The following C3AR1 variants were observed in gnomAD, a reference collection of about 807,000 sequenced individuals.
C3AR1 encodes the protein C3a anaphylatoxin chemotactic receptor.
For missense variants in C3AR1, 579 were observed against 583.5 expected (o/e 0.99, Z 0.08); for synonymous variants, 208 against 225.3 (o/e 0.92, Z 0.69).
chr12:8,059,589 G>A lies in C3AR1; in HGVS notation c.597C>T (p.Asn199=). 1 of 1,614,164 alleles carries A rather than the reference G, an allele frequency of 6.2e-7. No individual in the cohort carries two copies. The highest frequency in any genetic ancestry group is 1.3e-5 in the African/African-American group (1 of 75,048). ...TCATTTCTCCAGGCGGCTGAACAAT[G>A]TTTTCAAGAGACCTGTTTTCTAGTG... ...GDPLENRSLE[N]IVQPPGEMND... Residue 199 remains asparagine (N), a synonymous_variant, in exon 2 of 2, where the codon AAC becomes AAT. Transcript: ENST00000307637.
intron 1 of C3AR1, among the ~76,000 whole-genome samples, chr12:8,065,496 C>CA (rs1343442814): frequency 2.0e-5 from 3 of 151,384 alleles, no homozygotes; most frequent in African/African-American, 4.9e-5. Context: ...ACTAAAAATA[C>CA]AAAAAAATTT....
chr12:8,060,016 T>C lies in C3AR1; in HGVS notation c.170A>G (p.Asn57Ser), dbSNP rs1947257080. ...VAGLKMQRTV[N>S]TIWFLHLTLA... ...GGTGAGGTGGAGGAACCAAATTGTG[T>C]TCACTGTCCGCTGCATCTTCAGGCC... is the stretch of plus-strand genomic sequence containing the variant. The change falls in exon 2 of 2, where the codon AAC becomes AGC. Residue 57 changes from asparagine to serine, a missense_variant. Asn to Ser is a conservative substitution (Grantham distance 46). Coordinates refer to ENST00000307637, the MANE Select transcript of C3AR1 (RefSeq NM_004054.4). The C allele has an allele frequency of 6.2e-7, 1 of 1,613,840 alleles. No individual in the cohort carries two copies. The highest frequency in any genetic ancestry group is 1.3e-5 in the African/African-American group (1 of 74,826).
At position 8,059,584 on chromosome 12, in the gene C3AR1, A is replaced by T. The variant is rs759430234; in HGVS notation, c.602T>A (p.Val201Asp). Residue 201 changes from valine (V) to aspartate (D), a missense_variant, in exon 2 of 2, where the codon GTT becomes GAT. Coordinates refer to ENST00000307637, the MANE Select transcript of C3AR1 (RefSeq NM_004054.4). ...ATCATTCATTTCTCCAGGCGGCTGA[A>T]CAATGTTTTCAAGAGACCTGTTTTC... ...PLENRSLENI[V>D]QPPGEMNDRL... 9.9e-6 allele frequency: 16 copies of T among 1,614,222 alleles called. No homozygotes were observed. The East Asian group carries it at 3.3e-4, about 34-fold the overall frequency.
rs977078934 is a variant in C3AR1, at chr12:8,057,941, G to C, written c.*796C>G. Among the ~76,000 whole-genome samples, 4 of 152,184 alleles carry C rather than the reference G, an allele frequency of 2.6e-5. No individual in the cohort carries two copies. Among genetic ancestry groups the C allele is most frequent in the African/African-American group, 9.7e-5 (4 of 41,448 alleles). Reference sequence around the variant, plus strand: ...AGTAATAAGGAAATTAAGGAGCTTAGGAAGAGGAGTGGAAAATAGGTGCCC... The same window carrying C: ...AGTAATAAGGAAATTAAGGAGCTTACGAAGAGGAGTGGAAAATAGGTGCCC... On this transcript the variant is annotated 3_prime_UTR_variant, in exon 2 of 2. Transcript: ENST00000307637.
chr12:8,063,273 T>G (rs1008616712), intron 1 of C3AR1, among the ~76,000 whole-genome samples: 10 of 152,146 alleles, frequency 6.6e-5, no homozygotes, highest in Non-Finnish European at 1.2e-4. Flanking sequence ...AACTTCTTAA[T>G]TCTTTGTAAT....
intron 1 of C3AR1, among the ~76,000 whole-genome samples, chr12:8,063,007 G>T (rs1286940136): frequency 7.7e-6 from 1 of 129,662 alleles, no homozygotes; most frequent in Non-Finnish European, 1.6e-5. Context: ...TCCCAGGCTG[G>T]AGTGCAATGG....
chr12:8,059,057 G>A lies in C3AR1; in HGVS notation c.1129C>T (p.Arg377Ter), dbSNP rs1947232549. The A allele has an allele frequency of 9.9e-6, 16 of 1,614,044 alleles. No individual in the cohort carries two copies. The highest frequency in any genetic ancestry group is 6.7e-5 in the East Asian group (3 of 44,904). Residue 377 changes from arginine to a stop codon, truncating the protein, a stop_gained, in exon 2 of 2, where the codon CGA becomes TGA. Coordinates refer to ENST00000307637, the MANE Select transcript of C3AR1 (RefSeq NM_004054.4). LOFTEE classifies it low-confidence loss of function (END_TRUNC). Reference protein sequence around the residue: ...RFAKSQSKTFRVAVVVVAVFL... With the variant: ...RFAKSQSKTF ...ACAGCCACCACCACCACGGCCACTC[G>A]AAAGGTTTTGCTCTGAGACTTGGCG...
At position 8,057,461 on chromosome 12, in the gene C3AR1, G is replaced by A. The variant is rs1482673647; in HGVS notation, c.*1276C>T. Among the ~76,000 whole-genome samples, 1 of 152,156 alleles carries A rather than the reference G, an allele frequency of 6.6e-6. No individual in the cohort carries two copies. Among genetic ancestry groups the A allele is most frequent in the African/African-American group, 2.4e-5 (1 of 41,446 alleles). ...CCAGAAAAGAGCAGCATAAGCACATGATTTAGAAACATCATGATAATTATC... is the reference window on the plus strand; with the variant it reads ...CCAGAAAAGAGCAGCATAAGCACATAATTTAGAAACATCATGATAATTATC... On this transcript the variant is annotated 3_prime_UTR_variant, in exon 2 of 2. Coordinates refer to ENST00000307637, the MANE Select transcript of C3AR1 (RefSeq NM_004054.4).
chr12:8,061,906 G>A (rs1434902344), intron 1 of C3AR1, among the ~76,000 whole-genome samples: 1 of 152,140 alleles, frequency 6.6e-6, no homozygotes, highest in African/African-American at 2.4e-5. Flanking sequence ...AACTGAAAAT[G>A]TGCTCAGGAA....
chr12:8,060,550 A>C (rs751465365), intron 1 of C3AR1, among the ~76,000 whole-genome samples: 1 of 152,136 alleles, frequency 6.6e-6, no homozygotes, highest in East Asian at 1.9e-4. Context: ...GTGCACCACC[A>C]CGCCTGGCTA....
Position 8,058,551 on chromosome 12 carries a change from A to C in C3AR1, c.*186T>G. On this transcript the variant is annotated 3_prime_UTR_variant, in exon 2 of 2. Coordinates refer to ENST00000307637, the MANE Select transcript of C3AR1 (RefSeq NM_004054.4). ...TTCAGCAAGTCTGGGATGCGGCTTG[A>C]GAATTTGCATTTCTAACAAGTTTCT... 1 of 654,396 alleles carries C rather than the reference A, an allele frequency of 1.5e-6. No homozygotes were observed. The highest frequency in any genetic ancestry group is 2.5e-6 in the Non-Finnish European group (1 of 398,442). 40.5% of individuals were successfully genotyped at this position (654,396 alleles called of 1,614,324 possible).
chr12:8,058,883 A>G lies in C3AR1; in HGVS notation c.1303T>C (p.Tyr435His). ...CTAAAATCTTTCCCCAAGAGGGCAT[A>G]AAGGAAGGGATTAAAGCAACTATTG... ...SANSCFNPFL[Y>H]ALLGKDFRKK... is the part of the protein sequence containing the mutation. Residue 435 changes from tyrosine to histidine, a missense_variant, in exon 2 of 2, where the codon TAT (tyrosine) becomes CAT (histidine). By Grantham distance (83) the Tyr-to-His change is moderately conservative. Transcript: ENST00000307637. 6.2e-7 allele frequency: 1 copy of G among 1,614,200 alleles called. No homozygotes were observed. The highest frequency in any genetic ancestry group is 8.5e-7 in the Non-Finnish European group (1 of 1,180,032).
At chr12:8,060,377 C>T (rs1014705803) in intron 1 of C3AR1, among the ~76,000 whole-genome samples, 182 bp from the exon 2 acceptor site, 1 of 152,078 alleles carries the variant, frequency 6.6e-6, no homozygotes, top group Admixed American at 6.6e-5. Context: ...CTCTGATAGA[C>T]AATTATATTT....
At chr12:8,060,983 T>C (rs1947268099) in intron 1 of C3AR1, among the ~76,000 whole-genome samples, 2 of 152,196 alleles carry the variant, frequency 1.3e-5, no homozygotes, top group Non-Finnish European at 2.9e-5. Context: ...CTTTACATAT[T>C]CTCATTTCTC....
At chr12:8,062,640 T>A (rs1947286219) in intron 1 of C3AR1, among the ~76,000 whole-genome samples, 1 of 152,256 alleles carries the variant, frequency 6.6e-6, no homozygotes, top group Middle Eastern at 3.4e-3. Context: ...AACACTAACT[T>A]CTTCTTTTTT....
rs1565634686 is a variant in C3AR1, at chr12:8,058,802, G to A, written c.1384C>T (p.Leu462Phe). 6.2e-7 allele frequency: 1 copy of A among 1,614,096 alleles called. No individual in the cohort carries two copies. Reference protein sequence around the residue: ...GILEAAFSEELTRSTHCPSNN... With the variant: ...GILEAAFSEEFTRSTHCPSNN... The stretch of plus-strand genomic sequence containing the variant: ...GAGGGACAGTGGGTGGAACGTGTGA[G>A]CTCCTCACTGAAGGCTGCCTCCAGA... Residue 462 changes from leucine to phenylalanine, a missense_variant, in exon 2 of 2, where the codon CTC (leucine) becomes TTC (phenylalanine). Coordinates refer to ENST00000307637, the MANE Select transcript of C3AR1 (RefSeq NM_004054.4).
chr12:8,065,276 G>C (rs1176500438), intron 1 of C3AR1, among the ~76,000 whole-genome samples: 1 of 151,934 alleles, frequency 6.6e-6, no homozygotes, highest in Non-Finnish European at 1.5e-5. Flanking sequence ...TAAAAATAGA[G>C]TTATCTGTCA....
Position 8,059,130 on chromosome 12 carries a change from C to G in C3AR1, c.1056G>C (p.Met352Ile). 1.6e-5 allele frequency: 26 copies of G among 1,614,186 alleles called. No homozygotes were observed. The highest frequency in any genetic ancestry group is 4.0e-5 in the African/African-American group (3 of 75,048). The part of the protein sequence containing the change: ...VVGFLLPSVI[M>I]IACYSFIVFR... The stretch of plus-strand genomic sequence containing the variant: ...AGACAATGAAGCTGTAACAGGCTAT[C>G]ATGATAACAGAGGGCAGCAGGAAAC... Residue 352 changes from methionine to isoleucine, a missense_variant, in exon 2 of 2, where the codon ATG becomes ATC. Transcript: ENST00000307637.
At position 8,058,970 on chromosome 12, in the gene C3AR1, C is replaced by A. The variant is rs1233213507; in HGVS notation, c.1216G>T (p.Glu406Ter). The A allele has an allele frequency of 3.1e-6, 5 of 1,614,054 alleles. No homozygotes were observed. Among genetic ancestry groups the A allele is most frequent in the Non-Finnish European group, 3.4e-6 (4 of 1,180,046 alleles). The change falls in exon 2 of 2, where the codon GAA (glutamate) becomes TAA (stop). Residue 406 changes from glutamate to a stop codon, truncating the protein, a stop_gained. Coordinates refer to ENST00000307637, the MANE Select transcript of C3AR1 (RefSeq NM_004054.4). LOFTEE classifies it low-confidence loss of function (END_TRUNC). ...ATCAGAGTTTTCCCCAAGGGAGTTT[C>A]TGGGTCAGTAAGCAATGACAGGACT... ...FGVLSLLTDP[E>*]TPLGKTLMSW...
Sources: allele counts gnomAD v4.1 joint callset (sites outside exome capture counted in the v4.1 genomes callset), GRCh38; gene constraint gnomAD v4.1.1; transcripts MANE v1.5; gene names NCBI Gene and HGNC (gene_info 2026-07-23, HGNC 2026-07-21).